XKR6: variants seen among roughly 807,000 people sequenced by gnomAD.
XKR6 encodes XK-related protein 6.
Under a neutral mutation model 56.7 loss-of-function variants are expected in XKR6, and 22 were observed. The observed-to-expected ratio is 0.39, with a 90% confidence interval of 0.28 to 0.55. XKR6 has a LOEUF of 0.55. XKR6 is among the 20% of genes least tolerant of loss of function. XKR6 has a pLI of 0.66. For missense variants in XKR6, 852 were observed against 889.0 expected, an observed-to-expected ratio of 0.96 and a Z score of 0.53; for synonymous variants, 524 against 387.8, an observed-to-expected ratio of 1.35 and a Z score of -4.13.
intron 1 of XKR6, among the ~76,000 whole-genome samples, chr8:11,088,521 G>C (rs927063378): frequency 6.6e-6 from 1 of 152,184 alleles, no homozygotes; most frequent in African/African-American, 2.4e-5. Flanking sequence ...CTGGAATCTA[G>C]GCTCTCAGTA....
chr8:11,149,730 G>A (rs555358859), intron 1 of XKR6, among the ~76,000 whole-genome samples: 13 of 152,178 alleles, frequency 8.5e-5, no homozygotes, highest in African/African-American at 2.9e-4. Flanking sequence ...ATATGATCCA[G>A]CAATCCCATT....
chr8:11,051,017 C>A (rs1466176909), intron 1 of XKR6, among the ~76,000 whole-genome samples: 1 of 152,180 alleles, frequency 6.6e-6, no homozygotes, highest in Non-Finnish European at 1.5e-5. Context: ...CTCAAAGAAA[C>A]TACCAGTATT....
At chr8:10,932,316 C>T (rs1801074272) in intron 1 of XKR6, among the ~76,000 whole-genome samples, 1 of 152,196 alleles carries the variant, frequency 6.6e-6, no homozygotes, top group Non-Finnish European at 1.5e-5. Flanking sequence ...TAAAGTTAAA[C>T]ATACTCTCCA....
chr8:11,195,127 T>C (rs1267709448), intron 1 of XKR6: 3 of 703,050 alleles, frequency 4.3e-6, no homozygotes, highest in Non-Finnish European at 7.8e-6. Context: ...ATTTTTCAGA[T>C]GGGAGGAGGG....
At chr8:10,953,201 T>C (rs1277734259) in intron 1 of XKR6, among the ~76,000 whole-genome samples, 1 of 152,196 alleles carries the variant, frequency 6.6e-6, no homozygotes, top group Non-Finnish European at 1.5e-5. Context: ...CCTCCTAGTC[T>C]GTGGAAAAAT....
chr8:11,180,384 A>G (rs1367866466), intron 1 of XKR6, among the ~76,000 whole-genome samples: 1 of 152,160 alleles, frequency 6.6e-6, no homozygotes, highest in Non-Finnish European at 1.5e-5. Flanking sequence ...TTGTGGTGAG[A>G]GCCTCTCCTT....
At chr8:11,064,811 C>A (rs111521463) in intron 1 of XKR6, among the ~76,000 whole-genome samples, 145 of 152,282 alleles carry the variant, frequency 9.5e-4, no homozygotes, top group African/African-American at 3.3e-3. Flanking sequence ...CTATGTATCC[C>A]AGGTTAAGGA....
chr8:10,983,347 A>T (rs1797778618), intron 1 of XKR6, among the ~76,000 whole-genome samples: 1 of 152,146 alleles, frequency 6.6e-6, no homozygotes, highest in South Asian at 2.1e-4. Flanking sequence ...ACAACCACAG[A>T]CTGTGAAGAC....
chr8:11,130,704 T>A (rs1488586578), intron 1 of XKR6, among the ~76,000 whole-genome samples: 1 of 151,862 alleles, frequency 6.6e-6, no homozygotes, highest in Non-Finnish European at 1.5e-5. Context: ...AGGTACAGAT[T>A]GTGTATCTTC....
chr8:11,111,966 T>C (rs577586340), intron 1 of XKR6: 1 of 152,366 alleles, frequency 6.6e-6, no homozygotes, highest in South Asian at 2.1e-4. Context: ...ATAATTACTT[T>C]TATAATTTTC....
Position 11,030,639 on chromosome 8 carries a change from G to A in XKR6, c.765-105809C>T, listed in dbSNP as rs368994551. On this transcript the variant is annotated intron_variant, in intron 1 of 2. Coordinates refer to ENST00000416569, the MANE Select transcript of XKR6 (RefSeq NM_173683.4). ...CCCACAAGTGACAGGGACATTCCTG[G>A]GGGTGGCGTGAGGGGAGGGACTCAG... Among the ~76,000 whole-genome samples the A allele has an allele frequency of 2.4e-3, 364 of 151,558 alleles. 21 individuals are homozygous for A. The South Asian group carries it at 0.072, about 30-fold the overall frequency.
chr8:10,948,354 C>T (rs1205010778), intron 1 of XKR6, among the ~76,000 whole-genome samples: 5 of 152,154 alleles, frequency 3.3e-5, no homozygotes, highest in Non-Finnish European at 5.9e-5. Flanking sequence ...TGCCCAGCAC[C>T]GCATCTGCTG....
chr8:11,153,066 A>C (rs912588245), intron 1 of XKR6, among the ~76,000 whole-genome samples: 11 of 152,238 alleles, frequency 7.2e-5, no homozygotes, highest in African/African-American at 2.7e-4. Flanking sequence ...ATTAGAATAC[A>C]ATTAGATTAT....
chr8:11,104,538 G>C (rs778264944), intron 1 of XKR6, among the ~76,000 whole-genome samples: 22 of 152,290 alleles, frequency 1.4e-4, no homozygotes, highest in Admixed American at 5.2e-4. Context: ...ATTCATCCTT[G>C]GTTTCTCTTC....
chr8:10,899,514 T>C (rs1344613912), intron 2 of XKR6, among the ~76,000 whole-genome samples: 4 of 152,220 alleles, frequency 2.6e-5, no homozygotes, highest in African/African-American at 7.2e-5. Context: ...GCCAACAAGA[T>C]CCAGGACACT....
chr8:10,936,045 G>T (rs1005411476), intron 1 of XKR6, among the ~76,000 whole-genome samples: 27 of 150,696 alleles, frequency 1.8e-4, no homozygotes, highest in Admixed American at 5.9e-4. Flanking sequence ...AAGTCTCTTT[G>T]TAGGTCACTC....
chr8:11,149,152 C>CA (rs1801140563), intron 1 of XKR6, among the ~76,000 whole-genome samples: 1 of 152,148 alleles, frequency 6.6e-6, no homozygotes, highest in African/African-American at 2.4e-5. Flanking sequence ...GAGGTACAGT[C>CA]ATGTGTCACT....
intron 1 of XKR6, among the ~76,000 whole-genome samples, chr8:11,087,262 A>C (rs1203987705): frequency 6.6e-6 from 1 of 152,116 alleles, no homozygotes; most frequent in African/African-American, 2.4e-5. Flanking sequence ...CAAAGATCCC[A>C]CTTGGCCTCC....
intron 1 of XKR6, among the ~76,000 whole-genome samples, chr8:11,116,113 T>C (rs1799160369): frequency 6.6e-6 from 1 of 152,210 alleles, no homozygotes; most frequent in South Asian, 2.1e-4. Flanking sequence ...AAGTTTTAGA[T>C]TTTGCTGCAT....
Sources: gnomAD v4.1 joint callset for allele counts (sites outside exome capture counted in the v4.1 genomes callset) on GRCh38, gnomAD v4.1.1 for gene constraint, MANE v1.5 for transcripts, NCBI Gene and HGNC (gene_info 2026-07-23, HGNC 2026-07-21) for gene names.